The following OR3A2 variants were observed in gnomAD, a reference collection of about 807,000 sequenced individuals.
OR3A2 encodes the protein olfactory receptor 3A2.
For missense variants in OR3A2, 318 were observed against 392.8 expected (o/e 0.81, Z 1.61); for synonymous variants, 126 against 159.3 (o/e 0.79, Z 1.57).
intron 2 of OR3A2, among the ~76,000 whole-genome samples, chr17:3,374,192 T>C (rs4790479): frequency 0.096 from 14,605 of 152,274 alleles, 869 homozygotes; most frequent in East Asian, 0.16. Flanking sequence ...TTTTCCTTTA[T>C]AGTTTACCTG....
rs1160823990 is a variant in OR3A2 at position 3,311,306 on chromosome 17, C to G, written c.-85+24727G>C. 1.9e-6 allele frequency: 1 copy of G among 529,096 alleles called. No homozygotes were observed. The highest frequency in any genetic ancestry group is 2.0e-5 in the Admixed American group (1 of 50,128). 32.8% of individuals were successfully genotyped at this position (529,096 alleles called of 1,614,324 possible). On this transcript the variant is annotated intron_variant, in intron 3 of 4. Coordinates refer to the OR3A2 transcript ENST00000573491. The surrounding 1 kb of genome is among the most constrained non-coding windows in gnomAD (Gnocchi z 4.6). Reference sequence around the variant, plus strand: ...GCCTGCAGTTCACAGCTCTTCTTTCCCCACCTCCTGGCTGGGGTGGACTGT... The same window carrying G: ...GCCTGCAGTTCACAGCTCTTCTTTCGCCACCTCCTGGCTGGGGTGGACTGT...
At chr17:3,306,229 G>A (rs952287726) in intron 3 of OR3A2, among the ~76,000 whole-genome samples, 3 of 152,196 alleles carry the variant, frequency 2.0e-5, no homozygotes, top group South Asian at 4.1e-4. Context: ...ATAGCTCAAC[G>A]CAGCCTCAAA....
At position 3,279,465 on chromosome 17, in the gene OR3A2, A is replaced by G. The variant is rs1567539976; in HGVS notation, c.-6-542T>C. On this transcript the variant is annotated intron_variant, in intron 1 of 1. Transcript: ENST00000642052. ...CATCCCAAACTAATAAGCAGGTTTC[A>G]AAATAGAAATCCAGAGAAAGTAGAA... Among the ~76,000 whole-genome samples the G allele has an allele frequency of 2.0e-5, 3 of 152,354 alleles. No individual in the cohort carries two copies. The East Asian group carries it at 5.8e-4, about 29-fold the overall frequency.
intron 3 of OR3A2, among the ~76,000 whole-genome samples, chr17:3,321,503 A>G (rs2049121857): frequency 1.3e-5 from 2 of 151,948 alleles, no homozygotes; most frequent in African/African-American, 4.8e-5. Flanking sequence ...TCAGTATGAT[A>G]TTGGCTGTGG....
chr17:3,283,492 T>C (rs1597316496), intron 1 of OR3A2, among the ~76,000 whole-genome samples: 2 of 152,336 alleles, frequency 1.3e-5, no homozygotes, highest in East Asian at 3.9e-4. Context: ...CCCAAAGTGC[T>C]GGGATTACAG....
At chr17:3,299,164 G>A (rs1316539889) in intron 3 of OR3A2, among the ~76,000 whole-genome samples, 1 of 152,182 alleles carries the variant, frequency 6.6e-6, no homozygotes, top group African/African-American at 2.4e-5. Context: ...GGATCTAATG[G>A]TGGTGCTGAG....
At chr17:3,288,728 T>C (rs1192609201), upstream of OR3A2, among the ~76,000 whole-genome samples, 2 of 152,190 alleles carry the variant, frequency 1.3e-5, no homozygotes, top group African/African-American at 4.8e-5. Flanking sequence ...ATGCTGTACA[T>C]TTTTTGGCAA....
At chr17:3,364,302 A>G (rs543683469) in intron 2 of OR3A2, among the ~76,000 whole-genome samples, 20 of 152,360 alleles carry the variant, frequency 1.3e-4, no homozygotes, top group African/African-American at 4.6e-4. Flanking sequence ...TGATCAAATC[A>G]GGCTAGTTAG....
exon 2 of OR3A2, chr17:3,277,679 T>C (rs1567538683): frequency 3.1e-6 from 1 of 326,506 alleles, no homozygotes; most frequent in Admixed American, 4.5e-5. Flanking sequence ...TATATGATGC[T>C]TATTTACTTT....
At chr17:3,352,164 G>C (rs951383247) in intron 2 of OR3A2, among the ~76,000 whole-genome samples, 1 of 151,956 alleles carries the variant, frequency 6.6e-6, no homozygotes. Flanking sequence ...TCCTTTGCCA[G>C]ATGGGTAGTT....
chr17:3,371,433 ACCTC>A (rs376061445), intron 2 of OR3A2, among the ~76,000 whole-genome samples: 8,350 of 114,746 alleles, frequency 0.073, 731 homozygotes, highest in East Asian at 0.48. Flanking sequence ...TGACCCCCCC[ACCTC>A]CCTCCCGGAC....
chr17:3,337,787 C>T (rs545664081), intron 2 of OR3A2, among the ~76,000 whole-genome samples: 2 of 152,254 alleles, frequency 1.3e-5, no homozygotes, highest in Non-Finnish European at 2.9e-5. Flanking sequence ...GGGGTATATA[C>T]CCAGTAATGG....
intron 3 of OR3A2, among the ~76,000 whole-genome samples, chr17:3,331,395 T>C (rs1344112410): frequency 6.6e-6 from 1 of 152,106 alleles, no homozygotes; most frequent in East Asian, 1.9e-4. Flanking sequence ...CCCATATTTC[T>C]TGGAGGCTTT....
At chr17:3,348,193 G>A (rs958005921) in intron 2 of OR3A2, among the ~76,000 whole-genome samples, 2 of 152,016 alleles carry the variant, frequency 1.3e-5, no homozygotes, top group Non-Finnish European at 2.9e-5. Flanking sequence ...CATTTTGTAG[G>A]TTGCCTGTTC....
chr17:3,276,924 CT>C (rs1309962550), downstream of OR3A2: 316 of 134,730 alleles, frequency 2.3e-3, 1 homozygote, highest in East Asian at 7.9e-3. Context: ...CAGCAGGATT[CT>C]TTTTTTTTTT....
intron 2 of OR3A2, among the ~76,000 whole-genome samples, chr17:3,382,852 T>TA (rs1243399606): frequency 6.6e-6 from 1 of 152,194 alleles, no homozygotes; most frequent in Non-Finnish European, 1.5e-5. Context: ...TTCATGCAGT[T>TA]AGTGTAGTGC....
chr17:3,306,391 C>A (rs1307294869), intron 3 of OR3A2, among the ~76,000 whole-genome samples: 3 of 152,074 alleles, frequency 2.0e-5, no homozygotes, highest in Non-Finnish European at 2.9e-5. Flanking sequence ...AATCCCCCCA[C>A]TCCAGCCTCC....
chr17:3,332,312 C>T (rs1164767197), intron 3 of OR3A2, among the ~76,000 whole-genome samples: 7 of 152,298 alleles, frequency 4.6e-5, no homozygotes, highest in South Asian at 2.1e-4. Context: ...CCCCCAGCCT[C>T]GCTGCCGCCT....
upstream of OR3A2, among the ~76,000 whole-genome samples, chr17:3,285,812 CACAG>C (rs932157935): frequency 1.3e-5 from 2 of 152,140 alleles, no homozygotes; most frequent in African/African-American, 2.4e-5. Flanking sequence ...ACAAAACAAA[CACAG>C]ACAAACAGGA....
Sources: allele counts gnomAD v4.1 joint callset (sites outside exome capture counted in the v4.1 genomes callset), GRCh38; gene constraint gnomAD v4.1.1; non-coding constraint Gnocchi (gnomAD v3.1); transcripts MANE v1.5; gene names NCBI Gene and HGNC (gene_info 2026-07-23, HGNC 2026-07-21).